The following MEGF6 variants were observed in gnomAD, a reference collection of about 807,000 sequenced individuals.
MEGF6 encodes the protein multiple epidermal growth factor-like domains protein 6.
Under a neutral mutation model 207.1 loss-of-function variants are expected in MEGF6, and 184 were observed. The observed-to-expected ratio is 0.89, with a 90% confidence interval of 0.79 to 1.00. MEGF6 has a LOEUF of 1.00. MEGF6 is among the 50% of genes least tolerant of loss of function. The pLI is 0.00. For missense variants in MEGF6, 2,282 were observed against 2,202.9 expected (o/e 1.04, Z -0.72); for synonymous variants, 1,038 against 910.0 (o/e 1.14, Z -2.53).
chr1:3,580,039 C>G, intron 3 of MEGF6, 110 bp from the exon 4 acceptor site: 1 of 710,624 alleles, frequency 1.4e-6, no homozygotes, highest in Non-Finnish European at 2.3e-6. Context: ...GCCAGGTCCC[C>G]AGCCCCGTTC....
At chr1:3,612,427 C>T (rs1159067356), upstream of MEGF6, among the ~76,000 whole-genome samples, 2 of 152,126 alleles carry the variant, frequency 1.3e-5, no homozygotes, top group East Asian at 3.9e-4. Context: ...AAATTGACTC[C>T]AGGGGCCAGG....
intron 21 of MEGF6, 146 bp downstream of exon 21, chr1:3,500,487 G>C: frequency 8.3e-7 from 1 of 1,209,014 alleles, no homozygotes; most frequent in East Asian, 2.6e-5. Flanking sequence ...GGGTGTGTGC[G>C]CGCACAGGAG....
chr1:3,525,620 G>A (rs950485360), intron 4 of MEGF6, among the ~76,000 whole-genome samples: 3 of 152,190 alleles, frequency 2.0e-5, no homozygotes, highest in Admixed American at 1.3e-4. Flanking sequence ...CCCCAGCCCC[G>A]TGGCACAGGC....
chr1:3,595,395 C>G lies in MEGF6; in HGVS notation c.319G>C (p.Val107Leu), dbSNP rs767849085. 44 of 1,612,754 alleles carry G rather than the reference C, an allele frequency of 2.7e-5. No individual in the cohort carries two copies. Among genetic ancestry groups the G allele is most frequent in the Non-Finnish European group, 3.4e-5 (40 of 1,179,938 alleles). ...RQVYTTEARTVLRCCRGWMQQ... is the reference protein window; with the variant it reads ...RQVYTTEARTLLRCCRGWMQQ... The stretch of plus-strand genomic sequence containing the variant: ...ATCCACCCTCGGCAGCACCTGAGCA[C>G]GGTCCGGGCCTCCGTGGTATACACC... The change falls in exon 3 of 37, where the codon GTG (valine) becomes CTG (leucine). Residue 107 changes from valine to leucine, a missense_variant. Transcript: ENST00000356575.
rs372300394 is a variant in MEGF6 at position 3,505,522 on chromosome 1, C to A, written c.1953G>T (p.Ser651=). The change falls in exon 16 of 37, where the codon TCG becomes TCT. Residue 651 remains serine, a synonymous_variant. Coordinates refer to ENST00000356575, the MANE Select transcript of MEGF6 (RefSeq NM_001409.4). ...GGGGCTGCACACACTGGCACTCCTC[C>A]GAGCAGCCCGGCCCAAAGGCCCACG... ...CPPWAFGPGC[S]EECQCVQPHT... is the part of the protein sequence containing the mutation. 3 of 1,597,950 alleles carry A rather than the reference C, an allele frequency of 1.9e-6. No individual in the cohort carries two copies. In the Admixed American group the frequency reaches 5.1e-5, roughly 27 times the overall value.
At chr1:3,546,188 C>T (rs114223897) in intron 4 of MEGF6, among the ~76,000 whole-genome samples, 5,492 of 152,288 alleles carry the variant, frequency 0.036, 134 homozygotes, top group Middle Eastern at 0.071. Flanking sequence ...CCACCCTCCT[C>T]GGCCTCCTCC....
chr1:3,491,095 C>G (rs1024867999), intron 35 of MEGF6, 136 bp from the exon 36 acceptor site: 3 of 487,800 alleles, frequency 6.2e-6, no homozygotes, highest in Admixed American at 4.3e-5. Context: ...CTTCTCAGTC[C>G]TTTGCACTCG....
At chr1:3,576,137 C>T (rs900154122) in intron 4 of MEGF6, among the ~76,000 whole-genome samples, 1 of 152,270 alleles carries the variant, frequency 6.6e-6, no homozygotes, top group African/African-American at 2.4e-5. Context: ...GAGGCCTGCA[C>T]TGGGCCGGGG....
rs756647591 is a variant in MEGF6 at position 3,489,332 on chromosome 1, G to A, written c.*1196C>T. On this transcript the variant is annotated 3_prime_UTR_variant, in exon 37 of 37. Coordinates refer to ENST00000356575, the MANE Select transcript of MEGF6 (RefSeq NM_001409.4). The stretch of plus-strand genomic sequence containing the variant: ...TGGCTGGTTTTAGGGTGATGGGGGC[G>A]GCAGCCCAGACCCTAAGGGGGCCTT... Among the ~76,000 whole-genome samples, 4 of 152,194 alleles carry A rather than the reference G, an allele frequency of 2.6e-5. No homozygotes were observed. Among genetic ancestry groups the A allele is most frequent in the African/African-American group, 7.2e-5 (3 of 41,444 alleles).
chr1:3,544,435 G>A (rs991037244), intron 4 of MEGF6, among the ~76,000 whole-genome samples: 5 of 119,152 alleles, frequency 4.2e-5, no homozygotes, highest in African/African-American at 9.8e-5. Flanking sequence ...AGGGGCCCTC[G>A]GGGGCCTCTC....
intron 4 of MEGF6, among the ~76,000 whole-genome samples, chr1:3,553,868 G>T (rs1252437009): frequency 6.6e-6 from 1 of 152,204 alleles, no homozygotes; most frequent in Non-Finnish European, 1.5e-5. Flanking sequence ...CTGGGAACAG[G>T]TGGGCCCGGG....
intron 4 of MEGF6, among the ~76,000 whole-genome samples, chr1:3,524,662 G>A (rs1384385815): frequency 1.3e-5 from 2 of 152,196 alleles, no homozygotes; most frequent in African/African-American, 4.8e-5. Context: ...AGACGGCCAT[G>A]CCCAGGCTGT....
chr1:3,514,987 C>T (rs1570018362), intron 6 of MEGF6, among the ~76,000 whole-genome samples: 1 of 152,206 alleles, frequency 6.6e-6, no homozygotes, highest in East Asian at 1.9e-4. Flanking sequence ...TCTGTGACTC[C>T]AGCCCCTTCA....
chr1:3,498,446 T>G lies in MEGF6; in HGVS notation c.3277A>C (p.Asn1093His). 6.3e-7 allele frequency: 1 copy of G among 1,577,404 alleles called. No individual in the cohort carries two copies. Among genetic ancestry groups the G allele is most frequent in the South Asian group, 1.1e-5 (1 of 88,074 alleles). Residue 1093 changes from asparagine (N) to histidine (H), a missense_variant, in exon 26 of 37, where the codon AAC (asparagine) becomes CAC (histidine). By Grantham distance (68) the Asn-to-His change is moderately conservative. Transcript: ENST00000356575. Reference sequence around the variant, plus strand: ...GTGTGCGGGTCACACAGGCCCCCGTTGAGGCAACCGCCGCTGTGCCGGCAG... The same window carrying G: ...GTGTGCGGGTCACACAGGCCCCCGTGGAGGCAACCGCCGCTGTGCCGGCAG... ...AGCRHSGGCL[N>H]GGLCDPHTGR...
intron 27 of MEGF6, 42 bp from the exon 28 acceptor site, chr1:3,497,161 C>T: frequency 1.3e-6 from 2 of 1,546,534 alleles, no homozygotes; most frequent in African/African-American, 1.4e-5. Context: ...CCAGCCCCGC[C>T]AAGGAACAGG....
At chr1:3,491,773 G>A (rs184331127) in intron 35 of MEGF6, among the ~76,000 whole-genome samples, 3,144 of 140,072 alleles carry the variant, frequency 0.022, 79 homozygotes, top group East Asian at 0.051. Flanking sequence ...ACGGTGCGGG[G>A]GTGGGGGGGG....
At chr1:3,491,015 G>A (rs901866564) in intron 35 of MEGF6, 56 bp from the exon 36 acceptor site, 3 of 1,498,210 alleles carry the variant, frequency 2.0e-6, no homozygotes, top group Non-Finnish European at 1.8e-6. Flanking sequence ...GTGAGCCACA[G>A]TAATGGCAGC....
intron 3 of MEGF6, among the ~76,000 whole-genome samples, chr1:3,586,952 C>T (rs546369810): frequency 2.0e-5 from 3 of 152,234 alleles, no homozygotes; most frequent in Admixed American, 6.5e-5. Context: ...GGGCAGTGTC[C>T]AGCAGCCTGG....
At chr1:3,611,644 A>C (rs1570261966), upstream of MEGF6, 8 of 60,540 alleles carry the variant, frequency 1.3e-4, no homozygotes, top group South Asian at 5.6e-4. Context: ...CTCCTACCCC[A>C]CCAGCGCCCC....
Sources: allele counts gnomAD v4.1 joint callset (sites outside exome capture counted in the v4.1 genomes callset), GRCh38; gene constraint gnomAD v4.1.1; transcripts MANE v1.5; gene names NCBI Gene and HGNC (gene_info 2026-07-23, HGNC 2026-07-21).